The following PDIA3 variants were observed in gnomAD, a reference collection of about 807,000 sequenced individuals.
The protein encoded by PDIA3 is protein disulfide-isomerase A3.
A neutral mutation model predicts 56.9 loss-of-function variants in PDIA3; 16 were observed. The observed-to-expected ratio is 0.28, with a 90% confidence interval of 0.19 to 0.43. PDIA3 has a LOEUF of 0.43. Among genes scored for constraint, PDIA3 ranks in the 20% least tolerant of loss-of-function variants. The pLI is 1.00. For synonymous variants in PDIA3, 192 were observed against 216.5 expected, an observed-to-expected ratio of 0.89 and a Z score of 0.99; for missense variants, 485 against 621.3, an observed-to-expected ratio of 0.78 and a Z score of 2.33.
rs1219264271 is a variant in PDIA3, at chr15:43,770,581, G to GTAAGTGAATTGTCCCATA, written c.1404+3_1404+20dup. 2 of 1,601,266 alleles carry GTAAGTGAATTGTCCCATA rather than the reference G, an allele frequency of 1.2e-6. No individual in the cohort carries two copies. The highest frequency in any genetic ancestry group is 1.7e-6 in the Non-Finnish European group (2 of 1,168,366). ...GAAGCTAAATCCAAAGAAATATGAAGTAAGTGAATTGTCCCATATCCCCAC... is the reference window on the plus strand; with the variant it reads ...GAAGCTAAATCCAAAGAAATATGAAGTAAGTGAATTGTCCCATATAAGTGAATTGTCCCATATCCCCAC... On this transcript the variant is annotated splice_donor_variant, in intron 12 of 12. Transcript: ENST00000300289. LOFTEE classifies it high-confidence loss of function.
chr15:43,764,432 T>C (rs927625424), intron 5 of PDIA3, among the ~76,000 whole-genome samples: 1 of 152,266 alleles, frequency 6.6e-6, no homozygotes, highest in East Asian at 1.9e-4. Context: ...AGTCACTAAC[T>C]ATGAGTGAAA....
At chr15:43,747,084 G>T (rs532840776) in intron 1 of PDIA3, 73 of 190,524 alleles carry the variant, frequency 3.8e-4, no homozygotes, top group Non-Finnish European at 7.6e-4. Context: ...GCCTTGTAGT[G>T]GAAGCGGACG....
intron 7 of PDIA3, 75 bp downstream of exon 7, chr15:43,766,087 G>T: frequency 8.0e-7 from 1 of 1,242,882 alleles, no homozygotes; most frequent in East Asian, 2.6e-5. Context: ...CTATCTTGTT[G>T]GTTCCTTAAG....
chr15:43,746,742 G>A (rs1481608720), intron 1 of PDIA3, 36 bp downstream of exon 1: 27 of 1,609,292 alleles, frequency 1.7e-5, no homozygotes, highest in Non-Finnish European at 2.3e-5. Context: ...GAAGAAAGGC[G>A]GGGCTGGGCC....
intron 8 of PDIA3, among the ~76,000 whole-genome samples, chr15:43,768,231 C>T (rs980012635): frequency 2.0e-5 from 3 of 152,084 alleles, no homozygotes; most frequent in Admixed American, 2.0e-4. Flanking sequence ...GCAATAAGAC[C>T]TTGTTTTCTT....
rs1055233925 is a variant in PDIA3, at chr15:43,763,356, G to A, written c.602+150G>A. The A allele has an allele frequency of 2.0e-5, 16 of 815,278 alleles. No individual in the cohort carries two copies. In the African/African-American group the frequency reaches 2.1e-4, roughly 11 times the overall value. The allele number at this position is 815,278 out of a possible 1,614,324, so 50.5% of individuals were successfully genotyped here. The stretch of plus-strand genomic sequence containing the variant: ...CAGCCTCCACCTCCCAGGTTCAAAC[G>A]ATTCTCGCGCCTCAACCTCCTGCAT... On this transcript the variant is annotated intron_variant, in intron 5 of 12. Transcript: ENST00000300289.
rs761321604 is a variant in PDIA3, at chr15:43,761,527, A to G, written c.468A>G (p.Ile156Met). Reference protein sequence around the residue: ...KKFISDKDASIVGFFDDSFSE... With the variant: ...KKFISDKDASMVGFFDDSFSE... ...TCATTAGTGATAAAGATGCCTCTAT[A>G]GTAGGTAAGTAGCAAATATTAAACC... The change falls in exon 4 of 13, where the codon ATA becomes ATG. Residue 156 changes from isoleucine (I) to methionine (M), a missense_variant. Physicochemically the swap from Ile to Met is conservative, Grantham distance 10. Transcript: ENST00000300289. 2 of 1,388,156 alleles carry G rather than the reference A, an allele frequency of 1.4e-6. No individual in the cohort carries two copies. Among genetic ancestry groups the G allele is most frequent in the Non-Finnish European group, 2.0e-6 (2 of 981,016 alleles). 86.0% of individuals were successfully genotyped at this position (1,388,156 alleles called of 1,614,324 possible).
intron 1 of PDIA3, among the ~76,000 whole-genome samples, chr15:43,749,074 T>TTTTTTG (rs2086726637): frequency 2.7e-5 from 4 of 149,684 alleles, no homozygotes; most frequent in Admixed American, 2.7e-4. Context: ...CCCAGCCTGT[T>TTTTTTG]TTTTTGTTTT....
Position 43,769,553 on chromosome 15 carries a change from T to A in PDIA3, c.1173T>A (p.Asn391Lys), listed in dbSNP as rs1316387641. Residue 391 changes from asparagine (N) to lysine (K), a missense_variant, in exon 10 of 13, where the codon AAT becomes AAA. Transcript: ENST00000300289. ...CAGAGAATTTTGATGAAATAGTGAA[T>A]AATGAAAATAAAGATGTGCTGATTG... ...VVAENFDEIVNNENKDVLIEF... is the reference protein window; with the variant it reads ...VVAENFDEIVKNENKDVLIEF... 3.1e-6 allele frequency: 5 copies of A among 1,612,720 alleles called. No individual in the cohort carries two copies. The highest frequency in any genetic ancestry group is 2.2e-5 in the East Asian group (1 of 44,892).
chr15:43,748,482 A>G (rs1195311152), intron 1 of PDIA3, among the ~76,000 whole-genome samples: 3 of 152,126 alleles, frequency 2.0e-5, no homozygotes, highest in African/African-American at 4.8e-5. Context: ...CTGTCTCAAA[A>G]AAAAAAACCA....
At position 43,771,650 on chromosome 15, in the gene PDIA3, C is replaced by T. The variant is rs989462572; in HGVS notation, c.*432C>T. The T allele has an allele frequency of 2.5e-6, 1 of 401,120 alleles. No homozygotes were observed. Among genetic ancestry groups the T allele is most frequent in the African/African-American group, 2.1e-5 (1 of 48,746 alleles). The allele number at this position is 401,120 out of a possible 1,614,324, so 24.8% of individuals were successfully genotyped here. On this transcript the variant is annotated 3_prime_UTR_variant, in exon 13 of 13. Transcript: ENST00000300289. ...GCTCTGTAATCTACACTGTTCAGTA[C>T]AGGTAGCTACGGAGCATCTGAAATA...
intron 6 of PDIA3, 108 bp downstream of exon 6, chr15:43,765,674 G>T: frequency 1.1e-6 from 1 of 872,384 alleles, no homozygotes. Flanking sequence ...TATTTGGGGG[G>T]ATTGTAATAG....
chr15:43,773,012 G>T lies in PDIA3; in HGVS notation c.*1794G>T. The T allele has an allele frequency of 9.1e-7, 1 of 1,095,402 alleles. No homozygotes were observed. Among genetic ancestry groups the T allele is most frequent in the Non-Finnish European group, 1.3e-6 (1 of 754,918 alleles). 67.9% of individuals were successfully genotyped at this position (1,095,402 alleles called of 1,614,324 possible). On this transcript the variant is annotated 3_prime_UTR_variant, in exon 13 of 13. Coordinates refer to ENST00000300289, the MANE Select transcript of PDIA3 (RefSeq NM_005313.5). ...TCTCTACTTGCCACCATGGACTCCA[G>T]TGGTCAGCATAAGAAAAGCAGATAG...
intron 3 of PDIA3, among the ~76,000 whole-genome samples, chr15:43,757,188 C>T (rs1188911550): frequency 1.3e-5 from 2 of 152,182 alleles, no homozygotes; most frequent in Non-Finnish European, 2.9e-5. Flanking sequence ...ATAGTTTTAG[C>T]TACTCGGGAG....
chr15:43,759,917 G>A (rs1596021798), intron 3 of PDIA3, among the ~76,000 whole-genome samples: 2 of 152,004 alleles, frequency 1.3e-5, no homozygotes, highest in Admixed American at 6.6e-5. Context: ...GTGAAACCCC[G>A]TCTGTACTAA....
intron 12 of PDIA3, 97 bp downstream of exon 12, chr15:43,770,677 T>G (rs1193855782): frequency 1.2e-5 from 10 of 857,870 alleles, no homozygotes; most frequent in Non-Finnish European, 1.9e-5. Flanking sequence ...ATTTATTTAA[T>G]TATTTTTTGA....
chr15:43,752,559 T>A (rs958951028), intron 1 of PDIA3, among the ~76,000 whole-genome samples: 2 of 152,190 alleles, frequency 1.3e-5, no homozygotes, highest in South Asian at 4.1e-4. Flanking sequence ...TATGTGCCCC[T>A]TTACCATCTT....
intron 12 of PDIA3, 95 bp downstream of exon 12, chr15:43,770,675 A>G: frequency 1.2e-6 from 1 of 860,026 alleles, no homozygotes; most frequent in Non-Finnish European, 1.8e-6. Flanking sequence ...TTATTTATTT[A>G]ATTATTTTTT....
chr15:43,746,450 G>A lies in PDIA3; in HGVS notation c.-90G>A, dbSNP rs1567153471. The A allele has an allele frequency of 7.9e-7, 1 of 1,272,718 alleles. No individual in the cohort carries two copies. 78.8% of individuals were successfully genotyped at this position (1,272,718 alleles called of 1,614,324 possible). On this transcript the variant is annotated 5_prime_UTR_variant, in exon 1 of 13. Coordinates refer to ENST00000300289, the MANE Select transcript of PDIA3 (RefSeq NM_005313.5). ...GTCCGCCTGGGCCAGACGCGCGAGC[G>A]CAAGCAGCGGGTTAGTGGTCGCGCG...
Sources: gnomAD v4.1 joint callset for allele counts (sites outside exome capture counted in the v4.1 genomes callset) on GRCh38, gnomAD v4.1.1 for gene constraint, MANE v1.5 for transcripts, NCBI Gene and HGNC (gene_info 2026-07-23, HGNC 2026-07-21) for gene names.